Variants in SLC2A7 observed in about 807,000 individuals in gnomAD.
The protein encoded by SLC2A7 is solute carrier family 2, facilitated glucose transporter member 7.
SLC2A7 carries 50 observed loss-of-function variants against 50.5 expected under a neutral mutation model. That is an observed-to-expected ratio of 0.99 (90% CI 0.79 to 1.25). The LOEUF (loss-of-function observed/expected upper bound fraction) is 1.25, where lower values mean the gene tolerates loss of function less well. Among genes scored for constraint, SLC2A7 ranks in the 50% most tolerant of loss-of-function variants. The pLI, the probability that SLC2A7 is intolerant of heterozygous loss-of-function variation, is 0.00. For synonymous variants in SLC2A7, 308 were observed against 300.4 expected, an observed-to-expected ratio of 1.03 and a Z score of -0.26; for missense variants, 683 against 679.1, an observed-to-expected ratio of 1.01 and a Z score of -0.06.
intron 3 of SLC2A7, among the ~76,000 whole-genome samples, chr1:9,022,605 T>C (rs968099747): frequency 9.2e-5 from 14 of 152,136 alleles, no homozygotes; most frequent in African/African-American, 2.7e-4. Flanking sequence ...AACGAGCATT[T>C]ACTGAACACC....
At position 9,014,669 on chromosome 1, in the gene SLC2A7, C is replaced by G. The variant is rs1751676; in HGVS notation, c.903+12G>C. On this transcript the variant is annotated intron_variant, in intron 7 of 11. Transcript: ENST00000400906. ...TTCATCTGTCTCCCTGCCTGGCCAC[C>G]GTCCCACATACCGCATTGATGCCCG... 6.4e-7 allele frequency: 1 copy of G among 1,552,060 alleles called. No individual in the cohort carries two copies.
Position 9,010,262 on chromosome 1 carries a change from C to G in SLC2A7, c.1015-18G>C. ...AGGACAGCCTGGAGGGGAAGGGGGA[C>G]AGTGAGAAGCCGCCTTGGCCTGGCG... On this transcript the variant is annotated intron_variant, in intron 8 of 11. Transcript: ENST00000400906. The G allele has an allele frequency of 1.4e-5, 21 of 1,547,816 alleles. No homozygotes were observed. Among genetic ancestry groups the G allele is most frequent in the Non-Finnish European group, 1.8e-5 (21 of 1,144,740 alleles).
chr1:9,014,955 C>CCCTGA, intron 6 of SLC2A7, 87 bp from the exon 7 acceptor site: 1 of 1,506,146 alleles, frequency 6.6e-7, no homozygotes, highest in Non-Finnish European at 8.9e-7. Context: ...GCTCACCATT[C>CCCTGA]CCTGACCTGA....
chr1:9,012,851 T>A (rs949747109), intron 8 of SLC2A7, among the ~76,000 whole-genome samples: 2 of 152,206 alleles, frequency 1.3e-5, no homozygotes, highest in African/African-American at 4.8e-5. Context: ...TAATGATTTT[T>A]ACAAAGGAAG....
rs931930110 is a variant in SLC2A7 at position 9,003,238 on chromosome 1, G to T, written c.*62C>A. 5.4e-6 allele frequency: 8 copies of T among 1,495,054 alleles called. No individual in the cohort carries two copies. The highest frequency in any genetic ancestry group is 7.4e-6 in the Non-Finnish European group (8 of 1,085,544). The allele number at this position is 1,495,054 out of a possible 1,614,324, so 92.6% of individuals were successfully genotyped here. A position where few individuals can be genotyped will look rare whatever the true frequency, so the allele number is the denominator to read the frequency against. On this transcript the variant is annotated 3_prime_UTR_variant, in exon 12 of 12. Coordinates refer to ENST00000400906, the MANE Select transcript of SLC2A7 (RefSeq NM_207420.3). ...ATTATCCTCCCCAGAGCCTGGGGCC[G>T]GGAGGCCCATTGTCATAGAAGGAAG...
In SLC2A7 at chr1:9,008,190, C is replaced by T. The variant is rs1241428155; in HGVS notation, c.1117-805G>A. On this transcript the variant is annotated intron_variant, in intron 9 of 11. Coordinates refer to ENST00000400906, the MANE Select transcript of SLC2A7 (RefSeq NM_207420.3). This position sits in a 1 kb window ranked among gnomAD's most constrained non-coding sequence, Gnocchi z 5.9. ...TAACCGGGTGCCCCCAGATGAACTT[C>T]CCAGGGAACCCTGTAGTCACAGTTA... Among the ~76,000 whole-genome samples, 2 of 152,084 alleles carry T rather than the reference C, an allele frequency of 1.3e-5. No homozygotes were observed. The highest frequency in any genetic ancestry group is 2.9e-5 in the Non-Finnish European group (2 of 68,032).
intron 7 of SLC2A7, among the ~76,000 whole-genome samples, 191 bp from the exon 8 acceptor site, chr1:9,013,826 T>C (rs1014213449): frequency 3.9e-5 from 6 of 152,172 alleles, no homozygotes; most frequent in Admixed American, 6.5e-5. Context: ...GGCGCTGCCC[T>C]GGAATCCAGG....
In SLC2A7 at chr1:9,019,287, T is replaced by C; in HGVS notation, c.358A>G (p.Ile120Val). 2 of 1,614,062 alleles carry C rather than the reference T, an allele frequency of 1.2e-6. 1 individual carries two copies. The highest frequency in any genetic ancestry group is 3.3e-4 in the Middle Eastern group (2 of 6,060). Reference sequence around the variant, plus strand: ...GCCACTTTGCTGACTCCCATCAGGATGGCGGGGATGATGGCAAAGATGTTG... The same window carrying C: ...GCCACTTTGCTGACTCCCATCAGGACGGCGGGGATGATGGCAAAGATGTTG... ...INNIFAIIPAILMGVSKVAKA... is the reference protein window; with the variant it reads ...INNIFAIIPAVLMGVSKVAKA... Residue 120 changes from isoleucine to valine, a missense_variant, in exon 4 of 12, where the codon ATC becomes GTC. Transcript: ENST00000400906.
intron 10 of SLC2A7, among the ~76,000 whole-genome samples, chr1:9,005,234 A>G (rs761852757): frequency 3.3e-5 from 5 of 152,122 alleles, no homozygotes; most frequent in Non-Finnish European, 5.9e-5. Context: ...TTTCTGAAAG[A>G]GCTTCCTTTG....
At chr1:9,023,797 C>A (rs1040507270) in intron 2 of SLC2A7, among the ~76,000 whole-genome samples, 1 of 144,074 alleles carries the variant, frequency 6.9e-6, no homozygotes, top group Non-Finnish European at 1.5e-5. Context: ...GAGAGACTTA[C>A]GACTTACTCT....
chr1:9,017,332 A>G (rs900202064), intron 5 of SLC2A7, among the ~76,000 whole-genome samples: 2 of 152,032 alleles, frequency 1.3e-5, no homozygotes, highest in African/African-American at 4.8e-5. Context: ...AACAACAACA[A>G]CAAAACAACA....
At chr1:9,019,072 G>A in intron 4 of SLC2A7, 137 bp downstream of exon 4, 1 of 1,144,046 alleles carries the variant, frequency 8.7e-7, no homozygotes, top group South Asian at 1.7e-5. Context: ...GCTTGCAAGG[G>A]CCTGGGGATG....
downstream of SLC2A7, among the ~76,000 whole-genome samples, chr1:8,998,580 C>G (rs1159086816): frequency 1.3e-5 from 2 of 152,104 alleles, no homozygotes; most frequent in Admixed American, 6.6e-5. Context: ...CCCCCAAATT[C>G]AACTTGCTCA....
chr1:9,019,125 C>T lies in SLC2A7; in HGVS notation c.436+84G>A, dbSNP rs1158575294. ...TGAAATGAAAAGAGGCAGAGCCAGG[C>T]AGACACCTCATCTGCTCCTGCTTCC... On this transcript the variant is annotated intron_variant, in intron 4 of 11. Coordinates refer to ENST00000400906, the MANE Select transcript of SLC2A7 (RefSeq NM_207420.3). 4.6e-6 allele frequency: 7 copies of T among 1,526,848 alleles called. No individual in the cohort carries two copies. In the East Asian group the frequency reaches 6.9e-5, roughly 15 times the overall value. 94.6% of individuals were successfully genotyped at this position (1,526,848 alleles called of 1,614,324 possible).
chr1:9,019,377 G>A (rs762809953), intron 3 of SLC2A7, 44 bp from the exon 4 acceptor site: 87 of 1,606,546 alleles, frequency 5.4e-5, no homozygotes, highest in Middle Eastern at 1.7e-4. Context: ...CGTGGAGGCC[G>A]CGGAAGCCCT....
chr1:9,022,721 G>A (rs1347585147), intron 3 of SLC2A7, among the ~76,000 whole-genome samples, 197 bp downstream of exon 3: 2 of 152,132 alleles, frequency 1.3e-5, no homozygotes, highest in African/African-American at 4.8e-5. Context: ...CTTTTCCCAT[G>A]CAACTACCTA....
In SLC2A7 at chr1:9,007,362, G is replaced by C; in HGVS notation, c.1140C>G (p.Tyr380Ter). The C allele has an allele frequency of 6.2e-7, 1 of 1,614,226 alleles. No individual in the cohort carries two copies. The highest frequency in any genetic ancestry group is 1.3e-5 in the African/African-American group (1 of 75,068). The change falls in exon 10 of 12, where the codon TAC (tyrosine) becomes TAG (stop). Residue 380 changes from tyrosine to a stop codon, truncating the protein, a stop_gained. Transcript: ENST00000400906. LOFTEE classifies it high-confidence loss of function. The stretch of plus-strand genomic sequence containing the variant: ...AGGCAAAGACACAGATGATGCCGAG[G>C]TAGGACAGCTCGGGGACCCTGTTCT... ...LFQNRVPELS[Y>*]LGIICVFAYI...
chr1:9,013,614 T>C lies in SLC2A7; in HGVS notation c.925A>G (p.Ile309Val). The part of the protein sequence containing the change: ...INAINYYADT[I>V]YTSAGVEAAH... ...GCCTCCACGCCCGCAGATGTGTAGA[T>C]GGTGTCCGCATAGTAGTTGATCTAA... is the stretch of plus-strand genomic sequence containing the variant. The change falls in exon 8 of 12, where the codon ATC becomes GTC. Residue 309 changes from isoleucine to valine, a missense_variant. By Grantham distance (29) the Ile-to-Val change is conservative. Transcript: ENST00000400906. 2 of 1,614,038 alleles carry C rather than the reference T, an allele frequency of 1.2e-6. No homozygotes were observed. Among genetic ancestry groups the C allele is most frequent in the Non-Finnish European group, 1.7e-6 (2 of 1,179,966 alleles).
At chr1:9,023,907 G>A (rs568531847) in intron 2 of SLC2A7, among the ~76,000 whole-genome samples, 5 of 123,208 alleles carry the variant, frequency 4.1e-5, no homozygotes, top group East Asian at 5.3e-4. Context: ...CCAGGCTGGA[G>A]TGCAGTGGCA....
Sources: allele counts gnomAD v4.1 joint callset (sites outside exome capture counted in the v4.1 genomes callset), GRCh38; gene constraint gnomAD v4.1.1; non-coding constraint Gnocchi (gnomAD v3.1); transcripts MANE v1.5; gene names NCBI Gene and HGNC (gene_info 2026-07-23, HGNC 2026-07-21).